MYOZ2: variants seen among roughly 807,000 people sequenced by gnomAD.
The protein encoded by MYOZ2 is myozenin 2.
In MYOZ2, 19 loss-of-function variants were observed where a neutral mutation model predicts 25.4. That is an observed-to-expected ratio of 0.75 (90% CI 0.52 to 1.10). The LOEUF is 1.10. Ranked by LOEUF, MYOZ2 falls within the 50% of genes least tolerant of loss-of-function variation. The probability of loss-of-function intolerance (pLI) is 0.00; values close to 1 mark genes in which losing one functional copy is unlikely to be tolerated. For synonymous variants in MYOZ2, 92 were observed against 106.9 expected (o/e 0.86, Z 0.86); for missense variants, 270 against 317.9 (o/e 0.85, Z 1.15).
At chr4:119,158,246 T>C in intron 4 of MYOZ2, 95 bp downstream of exon 4, 1 of 1,484,312 alleles carries the variant, frequency 6.7e-7, no homozygotes, top group Non-Finnish European at 9.3e-7. Context: ...AGTATTTAAA[T>C]AATATATCTT....
intron 2 of MYOZ2, among the ~76,000 whole-genome samples, chr4:119,144,599 A>G (rs2149219542): frequency 6.6e-6 from 1 of 152,290 alleles, no homozygotes; most frequent in East Asian, 1.9e-4. Context: ...CCACATCCTC[A>G]CCAGCAAATG....
At chr4:119,179,235 G>T (rs1389247920) in intron 5 of MYOZ2, among the ~76,000 whole-genome samples, 1 of 152,150 alleles carries the variant, frequency 6.6e-6, no homozygotes, top group Non-Finnish European at 1.5e-5. Flanking sequence ...TCCACACTGG[G>T]CTTCTACTGT....
intron 2 of MYOZ2, among the ~76,000 whole-genome samples, chr4:119,140,056 C>A (rs1041892918): frequency 6.6e-6 from 1 of 152,040 alleles, no homozygotes; most frequent in South Asian, 2.1e-4. Flanking sequence ...GGGTTCCAGA[C>A]GAGACATCAG....
chr4:119,153,004 G>T (rs1218867936), intron 3 of MYOZ2, among the ~76,000 whole-genome samples: 1 of 150,850 alleles, frequency 6.6e-6, no homozygotes, highest in Non-Finnish European at 1.5e-5. Flanking sequence ...GGAGACCAAG[G>T]TTTGGTCCTG....
At chr4:119,183,422 GA>G (rs376455906) in intron 5 of MYOZ2, among the ~76,000 whole-genome samples, 2,670 of 145,826 alleles carry the variant, frequency 0.018, 74 homozygotes, top group African/African-American at 0.063. Flanking sequence ...AGCAGAGAGA[GA>G]AAAAAAAAAG....
chr4:119,174,774 T>A (rs192143877), intron 5 of MYOZ2, among the ~76,000 whole-genome samples: 2 of 152,078 alleles, frequency 1.3e-5, no homozygotes, highest in Non-Finnish European at 2.9e-5. Context: ...CAGTGGAAGC[T>A]TTGTTCTTTC....
intron 5 of MYOZ2, among the ~76,000 whole-genome samples, chr4:119,182,264 TA>T (rs1742198435): frequency 6.6e-6 from 1 of 152,224 alleles, no homozygotes; most frequent in Non-Finnish European, 1.5e-5. Context: ...ATTGGCTGGA[TA>T]AAGGATGTAA....
In MYOZ2 at chr4:119,186,326, T is replaced by C; in HGVS notation, c.*126T>C. On this transcript the variant is annotated 3_prime_UTR_variant, in exon 6 of 6. Coordinates refer to ENST00000307128, the MANE Select transcript of MYOZ2 (RefSeq NM_016599.5). ...CAATAGCAATTTAGTGATTTTCCTT[T>C]TCTGACATTCAATTTCAATCTCAGA... 2.8e-6 allele frequency: 2 copies of C among 715,944 alleles called. No individual in the cohort carries two copies. The highest frequency in any genetic ancestry group is 3.6e-5 in the South Asian group (2 of 56,268). 44.3% of individuals were successfully genotyped at this position (715,944 alleles called of 1,614,324 possible).
chr4:119,174,556 T>C (rs1448429552), intron 5 of MYOZ2, among the ~76,000 whole-genome samples: 1 of 152,032 alleles, frequency 6.6e-6, no homozygotes, highest in African/African-American at 2.4e-5. Context: ...TGGAGAACCT[T>C]TGTGTCCATA....
chr4:119,182,774 G>C (rs995302627), intron 5 of MYOZ2, among the ~76,000 whole-genome samples: 1 of 152,120 alleles, frequency 6.6e-6, no homozygotes, highest in Non-Finnish European at 1.5e-5. Context: ...TGTGTGACCT[G>C]GTTCCTAACA....
At chr4:119,174,002 C>T (rs989885218) in intron 5 of MYOZ2, among the ~76,000 whole-genome samples, 18 of 152,360 alleles carry the variant, frequency 1.2e-4, no homozygotes, top group Admixed American at 2.6e-4. Flanking sequence ...GATTTCTCAC[C>T]GGGCCTTAGC....
Position 119,186,092 on chromosome 4 carries a change from A to G in MYOZ2, c.687A>G (p.Arg229=), listed in dbSNP as rs1468563956. The G allele has an allele frequency of 1.9e-6, 3 of 1,613,920 alleles. No homozygotes were observed. The Admixed American group carries it at 5.0e-5, about 27-fold the overall frequency. Residue 229 remains arginine, a synonymous_variant, in exon 6 of 6, where the codon AGA becomes AGG. Coordinates refer to ENST00000307128, the MANE Select transcript of MYOZ2 (RefSeq NM_016599.5). ...FMSFVNPLSG[R]RSFNRTPKGW... The stretch of plus-strand genomic sequence containing the variant: ...CCTTTGTCAATCCCCTTTCTGGCAG[A>G]CGGTCCTTTAATAGGACTCCTAAGG...
At chr4:119,153,442 C>A (rs1195364531) in intron 3 of MYOZ2, among the ~76,000 whole-genome samples, 1 of 151,988 alleles carries the variant, frequency 6.6e-6, no homozygotes, top group Non-Finnish European at 1.5e-5. Context: ...GATAGAGAGA[C>A]CAAATGACAT....
chr4:119,141,063 G>A (rs116075054), intron 2 of MYOZ2, among the ~76,000 whole-genome samples: 2 of 152,220 alleles, frequency 1.3e-5, no homozygotes, highest in African/African-American at 4.8e-5. Flanking sequence ...GTACATACAT[G>A]TTACTTTATA....
At chr4:119,160,075 A>G (rs921146807) in intron 4 of MYOZ2, among the ~76,000 whole-genome samples, 1 of 152,218 alleles carries the variant, frequency 6.6e-6, no homozygotes, top group Non-Finnish European at 1.5e-5. Flanking sequence ...CATGCTGGGA[A>G]AGAAAATACA....
chr4:119,139,260 GAAGC>G (rs995031074), intron 2 of MYOZ2, among the ~76,000 whole-genome samples: 12 of 152,262 alleles, frequency 7.9e-5, no homozygotes, highest in African/African-American at 2.9e-4. Flanking sequence ...ACCTTGGCCG[GAAGC>G]AGAGCTAATG....
intron 5 of MYOZ2, among the ~76,000 whole-genome samples, chr4:119,164,673 T>A (rs1342718867): frequency 6.6e-6 from 1 of 152,210 alleles, no homozygotes; most frequent in African/African-American, 2.4e-5. Flanking sequence ...TTAAAAATGT[T>A]ATTTTAATAA....
At chr4:119,164,085 T>A in intron 4 of MYOZ2, 126 bp from the exon 5 acceptor site, 1 of 876,200 alleles carries the variant, frequency 1.1e-6, no homozygotes, top group Non-Finnish European at 1.9e-6. Flanking sequence ...TTCTAAGGGA[T>A]CATGAAAAGG....
chr4:119,165,191 C>A, intron 5 of MYOZ2, among the ~76,000 whole-genome samples: 1 of 150,544 alleles, frequency 6.6e-6, no homozygotes, highest in South Asian at 2.1e-4. Context: ...AAAAAGAATG[C>A]CAAATAGACT....
Sources: allele counts gnomAD v4.1 joint callset (sites outside exome capture counted in the v4.1 genomes callset), GRCh38; gene constraint gnomAD v4.1.1; transcripts MANE v1.5; gene names NCBI Gene and HGNC (gene_info 2026-07-23, HGNC 2026-07-21).